RAB8A: variants seen among roughly 807,000 people sequenced by gnomAD.
RAB8A encodes RAB8A, member RAS oncogene family.
Under a neutral mutation model 29.2 loss-of-function variants are expected in RAB8A, and 5 were observed. The ratio of observed to expected loss-of-function variants is 0.17; its 90% confidence interval spans 0.09 to 0.36. RAB8A has a LOEUF of 0.36. Among genes scored for constraint, RAB8A ranks in the 10% least tolerant of loss-of-function variants. The pLI is 1.00. For synonymous variants in RAB8A, 108 were observed against 99.9 expected, an observed-to-expected ratio of 1.08 and a Z score of -0.49; for missense variants, 171 against 272.2, an observed-to-expected ratio of 0.63 and a Z score of 2.62.
chr19:16,127,780 T>G lies in RAB8A; in HGVS notation c.415-246T>G, dbSNP rs2144995041. On this transcript the variant is annotated intron_variant, in intron 5 of 7. Coordinates refer to ENST00000300935, the MANE Select transcript of RAB8A (RefSeq NM_005370.5). The surrounding 1 kb of genome is among the most constrained non-coding windows in gnomAD (Gnocchi z 4.8). ...AGGAGCGGGGAACAGAGCCATAGTT[T>G]GATCCCAGCAGGTCCCCGCCACCCT... The G allele has an allele frequency of 1.6e-6, 1 of 616,570 alleles. No homozygotes were observed. The highest frequency in any genetic ancestry group is 2.7e-5 in the East Asian group (1 of 36,450). The allele number at this position is 616,570 out of a possible 1,614,324, so 38.2% of individuals were successfully genotyped here. A position where few individuals can be genotyped will look rare whatever the true frequency, so the allele number is the denominator to read the frequency against.
chr19:16,132,402 C>A lies in RAB8A; in HGVS notation c.*98C>A. On this transcript the variant is annotated 3_prime_UTR_variant, in exon 8 of 8. Transcript: ENST00000300935. The surrounding 1 kb of genome is among the most constrained non-coding windows in gnomAD (Gnocchi z 5.6). Reference sequence around the variant, plus strand: ...CCGGGGCCCTCCCACCTCCAACGCCCCGCCCACGCCGCGGCCACCGGGCCC... The same window carrying A: ...CCGGGGCCCTCCCACCTCCAACGCCACGCCCACGCCGCGGCCACCGGGCCC... 8.5e-7 allele frequency: 1 copy of A among 1,183,280 alleles called. No individual in the cohort carries two copies. Among genetic ancestry groups the A allele is most frequent in the Non-Finnish European group, 1.2e-6 (1 of 835,364 alleles). 73.3% of individuals were successfully genotyped at this position (1,183,280 alleles called of 1,614,324 possible). A position where few individuals can be genotyped will look rare whatever the true frequency, so the allele number is the denominator to read the frequency against.
Position 16,125,155 on chromosome 19 carries a change from C to A in RAB8A, c.247-315C>A, listed in dbSNP as rs574106166. ...CTCCCACCGTCAGGCTGCACCACCCCGTGGGCCATGAGGGGAGCCAGCCGG... is the reference window on the plus strand; with the variant it reads ...CTCCCACCGTCAGGCTGCACCACCCAGTGGGCCATGAGGGGAGCCAGCCGG... On this transcript the variant is annotated intron_variant, in intron 3 of 7. Transcript: ENST00000300935. The surrounding 1 kb of genome is among the most constrained non-coding windows in gnomAD (Gnocchi z 5.0). 6.5e-6 allele frequency: 3 copies of A among 464,426 alleles called. No individual in the cohort carries two copies. The highest frequency in any genetic ancestry group is 2.3e-5 in the South Asian group (1 of 43,998). 28.8% of individuals were successfully genotyped at this position (464,426 alleles called of 1,614,324 possible).
Position 16,125,406 on chromosome 19 carries a change from C to T in RAB8A, c.247-64C>T, listed in dbSNP as rs1048644318. The T allele has an allele frequency of 6.7e-5, 96 of 1,429,046 alleles. No homozygotes were observed. Among genetic ancestry groups the T allele is most frequent in the Non-Finnish European group, 7.7e-5 (79 of 1,021,538 alleles). 88.5% of individuals were successfully genotyped at this position (1,429,046 alleles called of 1,614,324 possible). On this transcript the variant is annotated intron_variant, in intron 3 of 7. Transcript: ENST00000300935. This position sits in a 1 kb window ranked among gnomAD's most constrained non-coding sequence, Gnocchi z 5.0. ...GCTCCCCACCACTGTTCTCTGGTGCCGCTGAGGCCTCCCTTCCAGAGCCTG... is the reference window on the plus strand; with the variant it reads ...GCTCCCCACCACTGTTCTCTGGTGCTGCTGAGGCCTCCCTTCCAGAGCCTG...
chr19:16,119,687 A>C (rs943851656), intron 2 of RAB8A, among the ~76,000 whole-genome samples: 1 of 152,158 alleles, frequency 6.6e-6, no homozygotes, highest in Non-Finnish European at 1.5e-5. Flanking sequence ...GTGACACTGC[A>C]TCAGCAAGCA....
Position 16,125,364 on chromosome 19 carries a change from T to C in RAB8A, c.247-106T>C, listed in dbSNP as rs2144992795. ...GAGGGCGGCAGCTAATGGGCCTGGC[T>C]GTGCAGTGGGTGCTGGGCTCCCCAC... On this transcript the variant is annotated intron_variant, in intron 3 of 7. Coordinates refer to ENST00000300935, the MANE Select transcript of RAB8A (RefSeq NM_005370.5). This position sits in a 1 kb window ranked among gnomAD's most constrained non-coding sequence, Gnocchi z 5.0. 1.0e-6 allele frequency: 1 copy of C among 952,434 alleles called. No individual in the cohort carries two copies. 59.0% of individuals were successfully genotyped at this position (952,434 alleles called of 1,614,324 possible).
Position 16,125,006 on chromosome 19 carries a change from GGCTC to G in RAB8A, c.247-463_247-460del. ...GTGGATGTCGGGTCAGGACTTCCTG[GGCTC>G]AGTTGTGCCTGGTAGGTGGCTCAGG... On this transcript the variant is annotated intron_variant, in intron 3 of 7. Coordinates refer to ENST00000300935, the MANE Select transcript of RAB8A (RefSeq NM_005370.5). This position sits in a 1 kb window ranked among gnomAD's most constrained non-coding sequence, Gnocchi z 5.0. 1 of 184,354 alleles carries G rather than the reference GGCTC, an allele frequency of 5.4e-6. No individual in the cohort carries two copies. Among genetic ancestry groups the G allele is most frequent in the South Asian group, 1.1e-4 (1 of 9,142 alleles). 11.4% of individuals were successfully genotyped at this position (184,354 alleles called of 1,614,324 possible).
In RAB8A at chr19:16,125,788, C is replaced by A; in HGVS notation, c.324+241C>A. 1.5e-6 allele frequency: 1 copy of A among 649,322 alleles called. No individual in the cohort carries two copies. 40.2% of individuals were successfully genotyped at this position (649,322 alleles called of 1,614,324 possible). A position where few individuals can be genotyped will look rare whatever the true frequency, so the allele number is the denominator to read the frequency against. Reference sequence around the variant, plus strand: ...CATCCCTCCAGCTAGGCTGTTGGATCTGGCCAGTGTCATGGTTATAAGAGA... The same window carrying A: ...CATCCCTCCAGCTAGGCTGTTGGATATGGCCAGTGTCATGGTTATAAGAGA... On this transcript the variant is annotated intron_variant, in intron 4 of 7. Coordinates refer to ENST00000300935, the MANE Select transcript of RAB8A (RefSeq NM_005370.5). This position sits in a 1 kb window ranked among gnomAD's most constrained non-coding sequence, Gnocchi z 5.0.
At chr19:16,118,760 G>A (rs10417522) in intron 2 of RAB8A, among the ~76,000 whole-genome samples, 1,686 of 152,210 alleles carry the variant, frequency 0.011, 28 homozygotes, top group African/African-American at 0.038. Context: ...CCTTCCTAGC[G>A]TACAGACCGA....
At position 16,128,202 on chromosome 19, in the gene RAB8A, G is replaced by A. The variant is rs4808455; in HGVS notation, c.480+111G>A. On this transcript the variant is annotated intron_variant, in intron 6 of 7. Coordinates refer to ENST00000300935, the MANE Select transcript of RAB8A (RefSeq NM_005370.5). The stretch of plus-strand genomic sequence containing the variant: ...GTCCTGCCAGACGGACCAGCCTCGG[G>A]CTCAGGGCTGCCAGTCAGTCCTCTG... 4.1e-5 allele frequency: 47 copies of A among 1,141,872 alleles called. 1 individual carries two copies. The Admixed American group carries it at 6.0e-4, about 15-fold the overall frequency. 70.7% of individuals were successfully genotyped at this position (1,141,872 alleles called of 1,614,324 possible). A position where few individuals can be genotyped will look rare whatever the true frequency, so the allele number is the denominator to read the frequency against.
Position 16,132,586 on chromosome 19 carries a change from C to G in RAB8A, c.*282C>G, listed in dbSNP as rs571296177. ...GTATATTCAGAGAGAGAGAGGGAGTCAAGGTGTGACCGTCGACCACAGCCA... is the reference window on the plus strand; with the variant it reads ...GTATATTCAGAGAGAGAGAGGGAGTGAAGGTGTGACCGTCGACCACAGCCA... On this transcript the variant is annotated 3_prime_UTR_variant, in exon 8 of 8. Transcript: ENST00000300935. The surrounding 1 kb of genome is among the most constrained non-coding windows in gnomAD (Gnocchi z 5.6). 1 of 424,010 alleles carries G rather than the reference C, an allele frequency of 2.4e-6. No homozygotes were observed. Among genetic ancestry groups the G allele is most frequent in the South Asian group, 2.3e-5 (1 of 42,984 alleles). 26.3% of individuals were successfully genotyped at this position (424,010 alleles called of 1,614,324 possible). A position where few individuals can be genotyped will look rare whatever the true frequency, so the allele number is the denominator to read the frequency against.
In RAB8A at chr19:16,125,145, T is replaced by C. The variant is rs2090893484; in HGVS notation, c.247-325T>C. On this transcript the variant is annotated intron_variant, in intron 3 of 7. Coordinates refer to ENST00000300935, the MANE Select transcript of RAB8A (RefSeq NM_005370.5). This position sits in a 1 kb window ranked among gnomAD's most constrained non-coding sequence, Gnocchi z 5.0. ...TGTGGACCGGCTCCCACCGTCAGGC[T>C]GCACCACCCCGTGGGCCATGAGGGG... The C allele has an allele frequency of 6.8e-6, 3 of 440,458 alleles. No individual in the cohort carries two copies. The highest frequency in any genetic ancestry group is 1.3e-5 in the Non-Finnish European group (3 of 236,140). 27.3% of individuals were successfully genotyped at this position (440,458 alleles called of 1,614,324 possible). A position where few individuals can be genotyped will look rare whatever the true frequency, so the allele number is the denominator to read the frequency against.
chr19:16,132,387 C>G lies in RAB8A; in HGVS notation c.*83C>G. On this transcript the variant is annotated 3_prime_UTR_variant, in exon 8 of 8. Transcript: ENST00000300935. This position sits in a 1 kb window ranked among gnomAD's most constrained non-coding sequence, Gnocchi z 5.6. ...GAGCCCCTCACTCAGCCGGGGCCCT[C>G]CCACCTCCAACGCCCCGCCCACGCC... 2 of 1,405,726 alleles carry G rather than the reference C, an allele frequency of 1.4e-6. No individual in the cohort carries two copies. The highest frequency in any genetic ancestry group is 2.0e-6 in the Non-Finnish European group (2 of 1,017,928). 87.1% of individuals were successfully genotyped at this position (1,405,726 alleles called of 1,614,324 possible).
At chr19:16,119,202 CT>C (rs891177822) in intron 2 of RAB8A, among the ~76,000 whole-genome samples, 1 of 151,538 alleles carries the variant, frequency 6.6e-6, no homozygotes, top group Non-Finnish European at 1.5e-5. Context: ...TTCACCTCTT[CT>C]TTTTTTTTCT....
intron 2 of RAB8A, among the ~76,000 whole-genome samples, chr19:16,121,324 T>C (rs1195676094): frequency 2.6e-5 from 4 of 152,200 alleles, no homozygotes; most frequent in Admixed American, 6.6e-5. Flanking sequence ...CAATAGGCCC[T>C]GTGTTCCTTG....
In RAB8A at chr19:16,133,057, C is replaced by G. The variant is rs551834020; in HGVS notation, c.*753C>G. On this transcript the variant is annotated 3_prime_UTR_variant, in exon 8 of 8. Coordinates refer to ENST00000300935, the MANE Select transcript of RAB8A (RefSeq NM_005370.5). ...GTGCTGCAAGTGACCCCGAAAACAA[C>G]CACAGCCGTCACATGGTCCTCCTGA... 2 of 152,546 alleles carry G rather than the reference C, an allele frequency of 1.3e-5. No individual in the cohort carries two copies. The highest frequency in any genetic ancestry group is 6.5e-5 in the Admixed American group (1 of 15,272). 9.4% of individuals were successfully genotyped at this position (152,546 alleles called of 1,614,324 possible).
rs2090893722 is a variant in RAB8A at position 16,125,186 on chromosome 19, T to C, written c.247-284T>C. Reference sequence around the variant, plus strand: ...CCATGAGGGGAGCCAGCCGGGCTTGTCAGCGAGTGCGTGGCAGGGGCTGGC... The same window carrying C: ...CCATGAGGGGAGCCAGCCGGGCTTGCCAGCGAGTGCGTGGCAGGGGCTGGC... On this transcript the variant is annotated intron_variant, in intron 3 of 7. Transcript: ENST00000300935. The surrounding 1 kb of genome is among the most constrained non-coding windows in gnomAD (Gnocchi z 5.0). The C allele has an allele frequency of 1.7e-5, 9 of 516,626 alleles. No individual in the cohort carries two copies. The East Asian group carries it at 3.0e-4, about 17-fold the overall frequency. 32.0% of individuals were successfully genotyped at this position (516,626 alleles called of 1,614,324 possible).
chr19:16,127,886 G>A lies in RAB8A; in HGVS notation c.415-140G>A. 1.2e-6 allele frequency: 1 copy of A among 813,598 alleles called. No individual in the cohort carries two copies. Among genetic ancestry groups the A allele is most frequent in the Admixed American group, 2.0e-5 (1 of 50,154 alleles). The allele number at this position is 813,598 out of a possible 1,614,324, so 50.4% of individuals were successfully genotyped here. A position where few individuals can be genotyped will look rare whatever the true frequency, so the allele number is the denominator to read the frequency against. ...GCATTCACTATAGAATTGAGGGAGT[G>A]ATCCAGGAAGTCACGCCCACAGCCC... On this transcript the variant is annotated intron_variant, in intron 5 of 7. Transcript: ENST00000300935. The surrounding 1 kb of genome is among the most constrained non-coding windows in gnomAD (Gnocchi z 4.8).
At chr19:16,115,773 G>A (rs1198253474) in intron 1 of RAB8A, among the ~76,000 whole-genome samples, 2 of 152,226 alleles carry the variant, frequency 1.3e-5, no homozygotes, top group South Asian at 2.1e-4. Context: ...TCAGTCACTG[G>A]AGGTAATAGC....
chr19:16,126,062 A>G (rs902779866), intron 4 of RAB8A: 1 of 205,258 alleles, frequency 4.9e-6, no homozygotes, highest in South Asian at 8.1e-5. Context: ...CTGCTCCCCA[A>G]AGAGCTGACC....
Sources: gnomAD v4.1 joint callset for allele counts (sites outside exome capture counted in the v4.1 genomes callset) on GRCh38, gnomAD v4.1.1 for gene constraint, Gnocchi (gnomAD v3.1) non-coding constraint, MANE v1.5 for transcripts, NCBI Gene and HGNC (gene_info 2026-07-23, HGNC 2026-07-21) for gene names.